The following TFG variants were observed in gnomAD, a reference collection of about 807,000 sequenced individuals.
TFG encodes protein TFG.
Under a neutral mutation model 51.4 loss-of-function variants are expected in TFG, and 22 were observed. That is an observed-to-expected ratio of 0.43 (90% CI 0.31 to 0.61). The LOEUF is 0.61. TFG is among the 20% of genes least tolerant of loss of function. TFG has a pLI of 0.12. For missense variants in TFG, 419 were observed against 487.7 expected (o/e 0.86, Z 1.33); for synonymous variants, 187 against 165.6 (o/e 1.13, Z -0.99).
chr3:100,717,239 A>G (rs1050315125), intron 2 of TFG, among the ~76,000 whole-genome samples: 4 of 152,082 alleles, frequency 2.6e-5, no homozygotes, highest in Non-Finnish European at 5.9e-5. Flanking sequence ...CTCTTGGTCA[A>G]TGGGTCTGTT....
intron 5 of TFG, among the ~76,000 whole-genome samples, chr3:100,734,904 G>A (rs1322979751): frequency 6.6e-6 from 1 of 152,134 alleles, no homozygotes; most frequent in African/African-American, 2.4e-5. Context: ...TGTATGCATA[G>A]CTAGGATACT....
intron 3 of TFG, among the ~76,000 whole-genome samples, chr3:100,723,639 G>A (rs924329554): frequency 2.0e-5 from 3 of 152,100 alleles, no homozygotes. Flanking sequence ...ACTTTATGAT[G>A]ATAAAAAGAA....
intron 3 of TFG, among the ~76,000 whole-genome samples, chr3:100,724,796 A>G (rs551378377): frequency 1.3e-5 from 2 of 152,332 alleles, no homozygotes; most frequent in South Asian, 4.1e-4. Context: ...AAAATCACAT[A>G]CTATTTTCCA....
chr3:100,711,372 A>T (rs567901297), intron 1 of TFG, among the ~76,000 whole-genome samples: 1 of 152,278 alleles, frequency 6.6e-6, no homozygotes, highest in South Asian at 2.1e-4. Context: ...AAGTGCTGGG[A>T]TTACAGGTGT....
intron 4 of TFG, among the ~76,000 whole-genome samples, chr3:100,730,542 T>G (rs2095088675): frequency 6.6e-6 from 1 of 152,218 alleles, no homozygotes; most frequent in South Asian, 2.1e-4. Flanking sequence ...GAGATAGTTC[T>G]TATTTTTTTA....
rs541158434 is a variant in TFG, at chr3:100,742,067, A to G, written c.722-2766A>G. On this transcript the variant is annotated intron_variant, in intron 6 of 7. Coordinates refer to ENST00000240851, the MANE Select transcript of TFG (RefSeq NM_006070.6). ...ACAATGTCTGCATTTTGCTCTCTTCATATATCCTATAGATCTCTCAAGTAT... is the reference window on the plus strand; with the variant it reads ...ACAATGTCTGCATTTTGCTCTCTTCGTATATCCTATAGATCTCTCAAGTAT... Among the ~76,000 whole-genome samples, 12 of 152,316 alleles carry G rather than the reference A, an allele frequency of 7.9e-5. No individual in the cohort carries two copies. The South Asian group carries it at 1.0e-3, about 13-fold the overall frequency.
In TFG at chr3:100,748,127, GTTATTT is replaced by G; in HGVS notation, c.821-21_821-16del. On this transcript the variant is annotated splice_polypyrimidine_tract_variant and intron_variant, in intron 7 of 7. Transcript: ENST00000240851. ...AGTTTTACTAAAAGATAAGATACATGTTATTTATTTTGCCTTTTCAGCAAGCTATAG... is the reference window on the plus strand; with the variant it reads ...AGTTTTACTAAAAGATAAGATACATGATTTTGCCTTTTCAGCAAGCTATAG... The G allele has an allele frequency of 2.5e-6, 4 of 1,603,888 alleles. No homozygotes were observed. The highest frequency in any genetic ancestry group is 1.7e-5 in the Admixed American group (1 of 58,550).
In TFG at chr3:100,748,803, T is replaced by A; in HGVS notation, c.*272T>A. The A allele has an allele frequency of 2.8e-6, 1 of 361,060 alleles. No homozygotes were observed. 22.4% of individuals were successfully genotyped at this position (361,060 alleles called of 1,614,324 possible). Reference sequence around the variant, plus strand: ...AAAGTGATTGACTTGACTTTCTAGCTTCCCTTGTCCGGAGGATATTAAAAT... The same window carrying A: ...AAAGTGATTGACTTGACTTTCTAGCATCCCTTGTCCGGAGGATATTAAAAT... On this transcript the variant is annotated 3_prime_UTR_variant, in exon 8 of 8. Transcript: ENST00000240851.
At chr3:100,714,361 C>T (rs1166084840) in intron 2 of TFG, among the ~76,000 whole-genome samples, 1 of 151,976 alleles carries the variant, frequency 6.6e-6, no homozygotes, top group African/African-American at 2.4e-5. Flanking sequence ...ATTAGCTGGG[C>T]GTGGTGGTGT....
intron 3 of TFG, among the ~76,000 whole-genome samples, chr3:100,720,616 C>G (rs929823525): frequency 3.9e-5 from 6 of 152,212 alleles, no homozygotes; most frequent in Non-Finnish European, 8.8e-5. Context: ...GGAGGCGGAG[C>G]CCACCACTTA....
At chr3:100,718,714 C>G (rs1239791237) in intron 2 of TFG, among the ~76,000 whole-genome samples, 1 of 151,994 alleles carries the variant, frequency 6.6e-6, no homozygotes, top group Non-Finnish European at 1.5e-5. Flanking sequence ...CACACCACCA[C>G]ACTCGGCTGA....
chr3:100,711,710 A>G (rs2095031848), intron 1 of TFG, among the ~76,000 whole-genome samples: 1 of 152,230 alleles, frequency 6.6e-6, no homozygotes, highest in South Asian at 2.1e-4. Context: ...GGTTCCTTTT[A>G]CATTATTGCT....
chr3:100,737,406 G>C (rs1323175217), intron 6 of TFG, among the ~76,000 whole-genome samples: 9 of 152,240 alleles, frequency 5.9e-5, no homozygotes, highest in Admixed American at 5.2e-4. Flanking sequence ...GGGGATTGAA[G>C]GGCAACAGAC....
chr3:100,713,907 T>TTAAAAA, intron 2 of TFG, 38 bp downstream of exon 2: 1 of 898,898 alleles, frequency 1.1e-6, no homozygotes, highest in Non-Finnish European at 1.5e-6. Flanking sequence ...AAAGTCTTTT[T>TTAAAAA]AAAAAAAAAA....
At chr3:100,721,842 TAGAA>T (rs2095061572) in intron 3 of TFG, among the ~76,000 whole-genome samples, 1 of 152,196 alleles carries the variant, frequency 6.6e-6, no homozygotes, top group Non-Finnish European at 1.5e-5. Context: ...ATTTAAGACA[TAGAA>T]GAAGGAATAA....
intron 2 of TFG, among the ~76,000 whole-genome samples, chr3:100,716,104 A>C (rs2095045087): frequency 6.6e-6 from 1 of 152,170 alleles, no homozygotes; most frequent in African/African-American, 2.4e-5. Flanking sequence ...ATTTGAAATT[A>C]TATAATATGT....
At chr3:100,724,230 A>C (rs1222471771) in intron 3 of TFG, among the ~76,000 whole-genome samples, 3 of 152,214 alleles carry the variant, frequency 2.0e-5, no homozygotes, top group Admixed American at 6.5e-5. Context: ...AGGAAATAAT[A>C]AGAGCAGACG....
intron 3 of TFG, among the ~76,000 whole-genome samples, chr3:100,721,349 G>A (rs1486162836): frequency 6.6e-6 from 1 of 152,164 alleles, no homozygotes; most frequent in Non-Finnish European, 1.5e-5. Flanking sequence ...GGTGGTGATA[G>A]TAGAGATTTT....
intron 2 of TFG, among the ~76,000 whole-genome samples, chr3:100,714,740 A>G (rs1034262720): frequency 1.3e-5 from 2 of 152,228 alleles, no homozygotes; most frequent in African/African-American, 2.4e-5. Flanking sequence ...AACAAAGACA[A>G]AAGTGTTTCT....
Sources: gnomAD v4.1 joint callset for allele counts (sites outside exome capture counted in the v4.1 genomes callset) on GRCh38, gnomAD v4.1.1 for gene constraint, MANE v1.5 for transcripts, NCBI Gene and HGNC (gene_info 2026-07-23, HGNC 2026-07-21) for gene names.